Variants in PRRG1 observed in about 807,000 individuals in gnomAD.
PRRG1 encodes the protein transmembrane gamma-carboxyglutamic acid protein 1.
PRRG1 carries 5 observed loss-of-function variants against 11.8 expected under a neutral mutation model. The ratio of observed to expected loss-of-function variants is 0.42; its 90% CI spans 0.22 to 0.89. The LOEUF (loss-of-function observed/expected upper bound fraction) is 0.89. PRRG1 is among the 40% of genes least tolerant of loss of function. The pLI, the probability that PRRG1 is intolerant of heterozygous loss-of-function variation, is 0.28. For synonymous variants in PRRG1, 66 were observed against 60.4 expected (o/e 1.09, Z -0.43); for missense variants, 155 against 166.1 (o/e 0.93, Z 0.37).
intron 1 of PRRG1, among the ~76,000 whole-genome samples, chrX:37,351,165 C>T (rs368727388): frequency 1.3e-3 from 144 of 111,739 alleles, no homozygotes; most frequent in African/African-American, 4.3e-3. Flanking sequence ...AATAAACTAA[C>T]TTACAGATAT....
chrX:37,422,935 C>T (rs1932701170), intron 2 of PRRG1, among the ~76,000 whole-genome samples: 1 of 110,955 alleles, frequency 9.0e-6, no homozygotes, highest in Non-Finnish European at 1.9e-5. Context: ...GGAGTAAACT[C>T]CTTCTACTTA....
At chrX:37,352,844 CAT>C (rs1271819347) in intron 1 of PRRG1, among the ~76,000 whole-genome samples, 2 of 111,725 alleles carry the variant, frequency 1.8e-5, no homozygotes, top group East Asian at 2.8e-4. Flanking sequence ...CTATGGACAA[CAT>C]GTGTGATGGT....
At chrX:37,384,327 T>C (rs1931252990) in intron 1 of PRRG1, among the ~76,000 whole-genome samples, 1 of 111,789 alleles carries the variant, frequency 8.9e-6, no homozygotes, top group African/African-American at 3.2e-5. Flanking sequence ...CATAAGATTC[T>C]TGAGCTATCT....
intron 2 of PRRG1, among the ~76,000 whole-genome samples, chrX:37,416,744 C>A (rs1414114783): frequency 1.8e-5 from 2 of 112,304 alleles, no homozygotes; most frequent in Admixed American, 1.9e-4. Context: ...ACCTTTAAAT[C>A]AGTTTACATA....
intron 3 of PRRG1, among the ~76,000 whole-genome samples, chrX:37,428,077 T>A (rs1216017033): frequency 9.0e-6 from 1 of 110,984 alleles, no homozygotes; most frequent in African/African-American, 3.3e-5. Flanking sequence ...CTGGCCCCCA[T>A]AATTCAATTA....
intron 1 of PRRG1, among the ~76,000 whole-genome samples, chrX:37,378,856 T>C (rs781957145): frequency 9.1e-6 from 1 of 109,996 alleles, no homozygotes; most frequent in East Asian, 2.9e-4. Context: ...CATTGAGTTG[T>C]AATTGCTTGA....
chrX:37,362,450 C>G (rs868936025), intron 1 of PRRG1, among the ~76,000 whole-genome samples: 10 of 110,126 alleles, frequency 9.1e-5, no homozygotes, highest in Non-Finnish European at 1.3e-4. Flanking sequence ...CCAAGTCTGC[C>G]CATCCACAGA....
intron 1 of PRRG1, among the ~76,000 whole-genome samples, chrX:37,390,893 G>A (rs1931503145): frequency 8.9e-6 from 1 of 112,150 alleles, no homozygotes; most frequent in African/African-American, 3.2e-5. Flanking sequence ...CTTAAGGTAG[G>A]GAGGTCATCA....
intron 2 of PRRG1, among the ~76,000 whole-genome samples, chrX:37,421,559 C>T (rs1454046731): frequency 8.0e-5 from 9 of 111,955 alleles, no homozygotes; most frequent in East Asian, 2.8e-4. Flanking sequence ...AACATCCTAA[C>T]GCAAGCCCTT....
At chrX:37,434,018 G>A (rs1362790844) in intron 3 of PRRG1, among the ~76,000 whole-genome samples, 1 of 112,136 alleles carries the variant, frequency 8.9e-6, no homozygotes, top group Non-Finnish European at 1.9e-5. Context: ...AGCATTGCCA[G>A]CAAAGTTTCA....
At chrX:37,427,235 C>T (rs1260927479) in intron 3 of PRRG1, among the ~76,000 whole-genome samples, 1 of 111,776 alleles carries the variant, frequency 8.9e-6, no homozygotes, top group African/African-American at 3.3e-5. Context: ...ATTTATTGTT[C>T]TAAAAGTACT....
intron 1 of PRRG1, among the ~76,000 whole-genome samples, chrX:37,398,230 C>T (rs1476139528): frequency 9.0e-6 from 1 of 111,374 alleles, no homozygotes; most frequent in Admixed American, 9.5e-5. Flanking sequence ...AGGCACCCCC[C>T]CAGTAGGGGC....
At chrX:37,408,662 G>A (rs1932264914) in intron 2 of PRRG1, among the ~76,000 whole-genome samples, 1 of 111,658 alleles carries the variant, frequency 9.0e-6, no homozygotes. Context: ...AACGTTTCTG[G>A]AGCAGCTTTA....
At chrX:37,366,376 G>A (rs184260351) in intron 1 of PRRG1, among the ~76,000 whole-genome samples, 90 of 112,177 alleles carry the variant, frequency 8.0e-4, no homozygotes, top group Non-Finnish European at 1.5e-3. Flanking sequence ...TGTGGGATAA[G>A]CCTATGAATT....
intron 1 of PRRG1, among the ~76,000 whole-genome samples, chrX:37,383,296 T>A (rs1931214946): frequency 9.0e-6 from 1 of 111,259 alleles, no homozygotes; most frequent in Admixed American, 9.4e-5. Flanking sequence ...TAATTTTTAA[T>A]GATATTTATA....
At chrX:37,373,783 C>G (rs1197183527) in intron 1 of PRRG1, among the ~76,000 whole-genome samples, 2 of 110,898 alleles carry the variant, frequency 1.8e-5, no homozygotes, top group African/African-American at 6.6e-5. Context: ...TTTTCTCTTG[C>G]CTAATTGCTC....
rs782698886 is a variant in PRRG1 at position 37,451,104 on chromosome X, C to T, written c.172-2032C>T. On this transcript the variant is annotated intron_variant, in intron 3 of 3. Coordinates refer to ENST00000378628, the MANE Select transcript of PRRG1 (RefSeq NM_001142395.2). ...GCAATCTCGGCTCACCCGCAACCTC[C>T]GCCTCCCAGTTTCAAGCAGTTCTCC... Among the ~76,000 whole-genome samples, 4 of 111,836 alleles carry T rather than the reference C, an allele frequency of 3.6e-5. No individual in the cohort carries two copies. The South Asian group carries it at 1.5e-3, about 42-fold the overall frequency.
intron 2 of PRRG1, among the ~76,000 whole-genome samples, chrX:37,417,165 G>A (rs1932522725): frequency 9.0e-6 from 1 of 110,945 alleles, no homozygotes; most frequent in African/African-American, 3.3e-5. Flanking sequence ...TATGCCTCTG[G>A]TACTACAGAT....
At chrX:37,371,958 G>C (rs1398488473) in intron 1 of PRRG1, among the ~76,000 whole-genome samples, 1 of 113,058 alleles carries the variant, frequency 8.8e-6, no homozygotes, top group Non-Finnish European at 1.9e-5. Context: ...TGGCCACAGA[G>C]GTTTCTGGCT....
Sources: gnomAD v4.1 joint callset for allele counts (sites outside exome capture counted in the v4.1 genomes callset) on GRCh38, gnomAD v4.1.1 for gene constraint, MANE v1.5 for transcripts, NCBI Gene and HGNC (gene_info 2026-07-23, HGNC 2026-07-21) for gene names.